LRMDA: variants seen among roughly 807,000 people sequenced by gnomAD.
The protein encoded by LRMDA is leucine rich melanocyte differentiation associated.
LRMDA carries 18 observed loss-of-function variants against 29.8 expected under a neutral mutation model. The ratio of observed to expected loss-of-function variants is 0.60; its 90% CI spans 0.42 to 0.90. LRMDA has a LOEUF of 0.90. LRMDA is among the 40% of genes least tolerant of loss of function. The pLI, the probability that LRMDA is intolerant of heterozygous loss-of-function variation, is 0.00. For missense variants in LRMDA, 273 were observed against 273.9 expected (o/e 1.00, Z 0.02); for synonymous variants, 125 against 109.4 (o/e 1.14, Z -0.89).
At chr10:75,493,616 C>G (rs1031145309) in intron 2 of LRMDA, among the ~76,000 whole-genome samples, 3 of 152,138 alleles carry the variant, frequency 2.0e-5, no homozygotes, top group African/African-American at 7.2e-5. Flanking sequence ...AAGTCACATC[C>G]TTAAAATTTG....
At chr10:75,719,353 G>C (rs1842539218) in intron 2 of LRMDA, among the ~76,000 whole-genome samples, 1 of 152,202 alleles carries the variant, frequency 6.6e-6, no homozygotes. Flanking sequence ...GGTGTACCAG[G>C]AGTGGTTTTG....
At chr10:76,499,003 T>G in intron 6 of LRMDA, among the ~76,000 whole-genome samples, 1 of 2,012 alleles carries the variant, frequency 5.0e-4, no homozygotes, top group African/African-American at 8.9e-4. Flanking sequence ...GTAGTAGTAA[T>G]AAGCATGATC....
intron 6 of LRMDA, among the ~76,000 whole-genome samples, chr10:76,430,065 A>C (rs564108270): frequency 2.0e-5 from 3 of 152,242 alleles, no homozygotes; most frequent in Admixed American, 2.0e-4. Context: ...TTATGATATC[A>C]TAACAGCTGG....
At chr10:75,976,342 A>G (rs987999080) in intron 2 of LRMDA, among the ~76,000 whole-genome samples, 6 of 152,222 alleles carry the variant, frequency 3.9e-5, no homozygotes, top group Non-Finnish European at 8.8e-5. Flanking sequence ...TTAGGTCTCA[A>G]CTCAAATATT....
In LRMDA at chr10:76,095,813, A is replaced by G. The variant is rs536195866; in HGVS notation, c.516+37030A>G. On this transcript the variant is annotated intron_variant, in intron 5 of 6. Transcript: ENST00000611255. ...TCATATGCTTACTTGGGATTCACAC[A>G]TCATCTTTGGTTAAAGTCGGTTCAA... is the stretch of plus-strand genomic sequence containing the variant. 7.9e-5 allele frequency among the ~76,000 whole-genome samples: 12 copies of G among 152,278 alleles called. No homozygotes were observed. The East Asian group carries it at 1.4e-3, about 17-fold the overall frequency.
chr10:76,209,264 T>C (rs1851593536), intron 5 of LRMDA, among the ~76,000 whole-genome samples: 1 of 152,174 alleles, frequency 6.6e-6, no homozygotes. Context: ...CTTCCGTGCC[T>C]CTGAGCATTT....
At chr10:75,540,382 A>G (rs565555932) in intron 2 of LRMDA, among the ~76,000 whole-genome samples, 1 of 152,362 alleles carries the variant, frequency 6.6e-6, no homozygotes, top group South Asian at 2.1e-4. Flanking sequence ...GGGGATTGGC[A>G]TGATAGGCTT....
At chr10:75,804,244 T>A (rs1276426386) in intron 2 of LRMDA, among the ~76,000 whole-genome samples, 1 of 152,240 alleles carries the variant, frequency 6.6e-6, no homozygotes, top group Non-Finnish European at 1.5e-5. Flanking sequence ...TTGACATGCC[T>A]ATTGACAGTT....
intron 6 of LRMDA, among the ~76,000 whole-genome samples, chr10:76,520,867 G>T (rs957897087): frequency 8.6e-5 from 13 of 151,972 alleles, no homozygotes; most frequent in African/African-American, 3.1e-4. Context: ...TCATCATGAA[G>T]CTTCTTTTAG....
chr10:75,567,820 G>C (rs1840391466), intron 2 of LRMDA, among the ~76,000 whole-genome samples: 1 of 152,182 alleles, frequency 6.6e-6, no homozygotes, highest in South Asian at 2.1e-4. Flanking sequence ...AATCAGAAGA[G>C]ATAAAATTTA....
intron 4 of LRMDA, among the ~76,000 whole-genome samples, chr10:76,057,501 T>G (rs1848636543): frequency 6.6e-6 from 1 of 152,180 alleles, no homozygotes; most frequent in South Asian, 2.1e-4. Context: ...GTAAGGACAT[T>G]AATGAACACC....
chr10:76,504,966 G>C (rs1204664094), intron 6 of LRMDA, among the ~76,000 whole-genome samples: 1 of 151,996 alleles, frequency 6.6e-6, no homozygotes, highest in Non-Finnish European at 1.5e-5. Context: ...ATAGCACTCT[G>C]TTAAGGACCT....
intron 2 of LRMDA, among the ~76,000 whole-genome samples, chr10:75,746,827 ATTAGAG>A (rs939924599): frequency 6.6e-6 from 1 of 152,096 alleles, no homozygotes; most frequent in Non-Finnish European, 1.5e-5. Flanking sequence ...TTTTTATTAT[ATTAGAG>A]TTGAAAACTA....
At chr10:76,486,210 G>A (rs575806722) in intron 6 of LRMDA, among the ~76,000 whole-genome samples, 11 of 151,956 alleles carry the variant, frequency 7.2e-5, no homozygotes, top group South Asian at 6.2e-4. Context: ...TTTTAAAGCC[G>A]GCAATCCACC....
rs182444891 is a variant in LRMDA, at chr10:75,564,201, C to T, written c.131+125707C>T. On this transcript the variant is annotated intron_variant, in intron 2 of 6. Coordinates refer to ENST00000611255, the MANE Select transcript of LRMDA (RefSeq NM_001305581.2). Reference sequence around the variant, plus strand: ...TGGGCTGCACCCAGTTGGAGCTTCCCGGCTGCTTTGTTTACCTAAGCAAGC... The same window carrying T: ...TGGGCTGCACCCAGTTGGAGCTTCCTGGCTGCTTTGTTTACCTAAGCAAGC... Among the ~76,000 whole-genome samples the T allele has an allele frequency of 1.2e-3, 178 of 152,266 alleles. 4 individuals carry two copies. The highest frequency in any genetic ancestry group is 9.1e-3 in the Admixed American group (139 of 15,294).
chr10:75,621,586 G>A (rs1462785320), intron 2 of LRMDA, among the ~76,000 whole-genome samples: 1 of 152,112 alleles, frequency 6.6e-6, no homozygotes. Flanking sequence ...GCAGTCACTG[G>A]GCACATACCA....
chr10:75,547,036 C>T (rs1840089050), intron 2 of LRMDA, among the ~76,000 whole-genome samples: 1 of 152,112 alleles, frequency 6.6e-6, no homozygotes, highest in African/African-American at 2.4e-5. Context: ...TCCAGAGAAC[C>T]CTGCTTAGCT....
intron 5 of LRMDA, among the ~76,000 whole-genome samples, chr10:76,281,601 G>A (rs1840206014): frequency 6.6e-6 from 1 of 151,968 alleles, no homozygotes; most frequent in Admixed American, 6.6e-5. Context: ...ATTTTCTTCA[G>A]TTCAAAGAGA....
chr10:75,597,402 G>C lies in LRMDA; in HGVS notation c.131+158908G>C, dbSNP rs111527859. Among the ~76,000 whole-genome samples the C allele has an allele frequency of 3.8e-3, 578 of 152,290 alleles. 4 individuals are homozygous for C. The highest frequency in any genetic ancestry group is 0.013 in the African/African-American group (557 of 41,558). Reference sequence around the variant, plus strand: ...CTCAGACCCCTGCCCACTCCACCCAGTCCCCCACCAGTCTAAACATCTTGC... The same window carrying C: ...CTCAGACCCCTGCCCACTCCACCCACTCCCCCACCAGTCTAAACATCTTGC... On this transcript the variant is annotated intron_variant, in intron 2 of 6. Transcript: ENST00000611255.
Sources: allele counts gnomAD v4.1 joint callset (sites outside exome capture counted in the v4.1 genomes callset), GRCh38; gene constraint gnomAD v4.1.1; transcripts MANE v1.5; gene names NCBI Gene and HGNC (gene_info 2026-07-23, HGNC 2026-07-21).